Variants in MRTFB observed in about 807,000 individuals in gnomAD.
MRTFB encodes myocardin related transcription factor B.
MRTFB carries 29 observed loss-of-function variants against 104.2 expected under a neutral mutation model. That is an observed-to-expected ratio of 0.28 (90% CI 0.21 to 0.38). The LOEUF (loss-of-function observed/expected upper bound fraction) is 0.38. Ranked by LOEUF, MRTFB falls within the 10% of genes least tolerant of loss-of-function variation. MRTFB has a pLI of 1.00. For missense variants in MRTFB, 1,270 were observed against 1,341.6 expected, an observed-to-expected ratio of 0.95 and a Z score of 0.83; for synonymous variants, 535 against 519.5, an observed-to-expected ratio of 1.03 and a Z score of -0.41.
intron 8 of MRTFB, among the ~76,000 whole-genome samples, chr16:14,222,194 C>T (rs2041756570): frequency 6.6e-6 from 1 of 152,118 alleles, no homozygotes; most frequent in Non-Finnish European, 1.5e-5. Context: ...GGTCCACAGA[C>T]CATACTTTGA....
the MRTFB span, among the ~76,000 whole-genome samples, chr16:14,017,702 TATATATATA>T: frequency 2.5e-4 from 9 of 35,814 alleles, 1 homozygote; most frequent in Non-Finnish European, 5.9e-4. Context: ...TATATATATA[TATATATATA>T]TTTTTTTTTT....
chr16:14,170,851 T>A (rs1189171722), intron 3 of MRTFB, among the ~76,000 whole-genome samples: 1 of 152,250 alleles, frequency 6.6e-6, no homozygotes, highest in East Asian at 1.9e-4. Flanking sequence ...AATGTTGTTA[T>A]TAAATGTGGG....
the MRTFB span, among the ~76,000 whole-genome samples, chr16:14,044,028 T>TG: frequency 1.4e-4 from 21 of 152,314 alleles, no homozygotes; most frequent in Middle Eastern, 3.4e-3. Context: ...CTTATGAGAC[T>TG]GAAAAAATGA....
At chr16:14,091,994 C>CAAAAAAAA (rs10523985) in intron 2 of MRTFB, among the ~76,000 whole-genome samples, 1 of 82,072 alleles carries the variant, frequency 1.2e-5, no homozygotes, top group Non-Finnish European at 2.8e-5. Context: ...GACTTCATCT[C>CAAAAAAAA]AAAAAAAAAA....
chr16:14,004,395 T>A, the MRTFB span, among the ~76,000 whole-genome samples: 4 of 152,052 alleles, frequency 2.6e-5, no homozygotes, highest in African/African-American at 9.7e-5. Flanking sequence ...GCTAGAATGA[T>A]GTATCGCTTT....
chr16:14,178,973 A>T (rs766620002), intron 3 of MRTFB, among the ~76,000 whole-genome samples: 1 of 151,980 alleles, frequency 6.6e-6, no homozygotes, highest in Non-Finnish European at 1.5e-5. Flanking sequence ...GAACTCCCGA[A>T]TTCAAGAAAT....
chr16:14,243,543 A>G (rs1038993721), intron 10 of MRTFB, among the ~76,000 whole-genome samples: 8 of 152,218 alleles, frequency 5.3e-5, no homozygotes, highest in Non-Finnish European at 8.8e-5. Context: ...ACTGTTACCA[A>G]GAGTATCACA....
At chr16:14,090,892 G>C (rs2035019516) in intron 2 of MRTFB, among the ~76,000 whole-genome samples, 1 of 150,270 alleles carries the variant, frequency 6.7e-6, no homozygotes, top group Non-Finnish European at 1.5e-5. Context: ...GTGTGTGTGT[G>C]TGTGTGTGTG....
At chr16:14,101,803 C>G (rs942431406) in intron 2 of MRTFB, among the ~76,000 whole-genome samples, 1 of 152,030 alleles carries the variant, frequency 6.6e-6, no homozygotes, top group African/African-American at 2.4e-5. Context: ...TTGTTTAAGA[C>G]AAGTTCTGAG....
At chr16:14,110,367 A>G (rs374589246) in intron 2 of MRTFB, among the ~76,000 whole-genome samples, 3 of 152,334 alleles carry the variant, frequency 2.0e-5, no homozygotes, top group Admixed American at 6.5e-5. Flanking sequence ...TGGATCCTAT[A>G]AGAGGCGGTG....
At chr16:14,135,166 A>G (rs150306441) in intron 2 of MRTFB, among the ~76,000 whole-genome samples, 1,833 of 152,174 alleles carry the variant, frequency 0.012, 117 homozygotes, top group Admixed American at 0.1. Context: ...GCCCCTCACT[A>G]CTTATACCTG....
At chr16:14,017,645 A>ATGTG in the MRTFB span, among the ~76,000 whole-genome samples, 1 of 53,384 alleles carries the variant, frequency 1.9e-5, no homozygotes, top group African/African-American at 6.9e-5. Flanking sequence ...ATATATGTAT[A>ATGTG]TATGTGTGTG....
intron 2 of MRTFB, among the ~76,000 whole-genome samples, chr16:14,133,354 A>G (rs1313456332): frequency 1.3e-5 from 2 of 152,242 alleles, no homozygotes; most frequent in African/African-American, 4.8e-5. Context: ...AACTGGCATG[A>G]TTCGTCAGGA....
chr16:14,206,614 A>G (rs1039899437), intron 3 of MRTFB, among the ~76,000 whole-genome samples: 13 of 152,120 alleles, frequency 8.5e-5, no homozygotes, highest in East Asian at 3.9e-4. Flanking sequence ...CTTGAGTGCA[A>G]TGGCACGATC....
At chr16:14,120,208 G>A (rs1015851521) in intron 2 of MRTFB, among the ~76,000 whole-genome samples, 1 of 151,938 alleles carries the variant, frequency 6.6e-6, no homozygotes, top group African/African-American at 2.4e-5. Context: ...TGCATTTCCT[G>A]TTTTCCATAG....
intron 2 of MRTFB, among the ~76,000 whole-genome samples, chr16:14,123,967 T>G (rs1322132393): frequency 6.6e-6 from 1 of 152,224 alleles, no homozygotes; most frequent in Non-Finnish European, 1.5e-5. Context: ...CTAGTTCTCC[T>G]TGAAGAGATC....
At chr16:14,101,741 A>C (rs2142063063) in intron 2 of MRTFB, among the ~76,000 whole-genome samples, 1 of 152,342 alleles carries the variant, frequency 6.6e-6, no homozygotes, top group South Asian at 2.1e-4. Context: ...TCAGTATCCC[A>C]CTGAAAACTT....
chr16:14,111,571 G>A (rs1249625519), intron 2 of MRTFB, among the ~76,000 whole-genome samples: 1 of 152,190 alleles, frequency 6.6e-6, no homozygotes, highest in Non-Finnish European at 1.5e-5. Context: ...TTGGTGCTTG[G>A]CTTCAAGGAC....
chr16:14,220,113 C>G (rs1400592905), intron 8 of MRTFB, among the ~76,000 whole-genome samples: 2 of 152,150 alleles, frequency 1.3e-5, no homozygotes, highest in Admixed American at 1.3e-4. Context: ...AGGGGTGATC[C>G]TGGCCTAGAA....
Sources: allele counts gnomAD v4.1 joint callset (sites outside exome capture counted in the v4.1 genomes callset), GRCh38; gene constraint gnomAD v4.1.1; transcripts MANE v1.5; gene names NCBI Gene and HGNC (gene_info 2026-07-23, HGNC 2026-07-21).